The following CPNE3 variants were observed in gnomAD, a reference collection of about 807,000 sequenced individuals.
CPNE3 encodes the protein copine-3.
Under a neutral mutation model 63.9 loss-of-function variants are expected in CPNE3, and 68 were observed. The observed-to-expected ratio is 1.06, with a 90% CI of 0.87 to 1.30. The LOEUF (loss-of-function observed/expected upper bound fraction) is 1.30, where lower values mean the gene tolerates loss of function less well. Among genes scored for constraint, CPNE3 ranks in the 50% most tolerant of loss-of-function variants. The pLI, the probability that CPNE3 is intolerant of heterozygous loss-of-function variation, is 0.00. For missense variants in CPNE3, 665 were observed against 578.1 expected (o/e 1.15, Z -1.54); for synonymous variants, 219 against 197.5 (o/e 1.11, Z -0.91).
chr8:86,544,803 A>G lies in CPNE3; in HGVS notation c.697A>G (p.Met233Val), dbSNP rs1193429030. 9 of 1,597,016 alleles carry G rather than the reference A, an allele frequency of 5.6e-6. No individual in the cohort carries two copies. The highest frequency in any genetic ancestry group is 6.8e-6 in the Non-Finnish European group (8 of 1,171,058). ...TCTCATTGGAACATTTCAGACCACC[A>G]TGACAAAACTGAAAGAAGCCTCCAG... ...HDLIGTFQTTMTKLKEASRSS... is the reference protein window; with the variant it reads ...HDLIGTFQTTVTKLKEASRSS... Residue 233 changes from methionine to valine, a missense_variant, in exon 9 of 17, where the codon ATG (methionine) becomes GTG (valine). Physicochemically the swap from Met to Val is conservative, Grantham distance 21. Transcript: ENST00000517490.
chr8:86,527,260 C>T (rs897561023), intron 2 of CPNE3, among the ~76,000 whole-genome samples: 10 of 152,132 alleles, frequency 6.6e-5, no homozygotes, highest in African/African-American at 2.4e-4. Flanking sequence ...CATCAACCTC[C>T]ACTGGCTAAG....
rs1202484669 is a variant in CPNE3, at chr8:86,532,584, G to T, written c.459+4G>T. On this transcript the variant is annotated splice_donor_region_variant and intron_variant, in intron 6 of 16. Coordinates refer to ENST00000517490, the MANE Select transcript of CPNE3 (RefSeq NM_003909.5). Reference sequence around the variant, plus strand: ...AGCCAGAAAACTGGATAATAAGGTGGGTAGACTATGCAGATTTCAAAAAGG... The same window carrying T: ...AGCCAGAAAACTGGATAATAAGGTGTGTAGACTATGCAGATTTCAAAAAGG... The T allele has an allele frequency of 1.9e-6, 3 of 1,608,126 alleles. No individual in the cohort carries two copies. Among genetic ancestry groups the T allele is most frequent in the East Asian group, 4.5e-5 (2 of 44,662 alleles).
chr8:86,515,919 G>C (rs1228330224), intron 2 of CPNE3, among the ~76,000 whole-genome samples: 1 of 152,122 alleles, frequency 6.6e-6, no homozygotes. Context: ...AAACAGCAAA[G>C]GATGGGAAAC....
chr8:86,551,401 T>C (rs1448952320), intron 14 of CPNE3, 167 bp downstream of exon 14: 6 of 599,900 alleles, frequency 1.0e-5, no homozygotes, highest in Admixed American at 6.2e-5. Context: ...GGTAGAAGAA[T>C]TGCACCAGGT....
Position 86,560,652 on chromosome 8 carries a change from C to G in CPNE3, c.*2242C>G, listed in dbSNP as rs1325172135. On this transcript the variant is annotated 3_prime_UTR_variant, in exon 17 of 17. Transcript: ENST00000517490. ...ATGTTCATCAGTAGATGCTATTATT[C>G]ATAAGAACTGTGATTCCAGCAAACT... The G allele has an allele frequency of 6.6e-6, 1 of 152,118 alleles. No individual in the cohort carries two copies. The highest frequency in any genetic ancestry group is 6.6e-5 in the Admixed American group (1 of 15,258). 9.4% of individuals were successfully genotyped at this position (152,118 alleles called of 1,614,324 possible). A position where few individuals can be genotyped will look rare whatever the true frequency, so the allele number is the denominator to read the frequency against.
intron 8 of CPNE3, among the ~76,000 whole-genome samples, chr8:86,544,125 C>T (rs1011282231): frequency 6.6e-6 from 1 of 151,850 alleles, no homozygotes; most frequent in African/African-American, 2.4e-5. Flanking sequence ...GGTGTGGATA[C>T]TTCCTCAGTG....
Position 86,529,070 on chromosome 8 carries a change from T to G in CPNE3, c.258T>G (p.Thr86=). 1 of 1,614,034 alleles carries G rather than the reference T, an allele frequency of 6.2e-7. No homozygotes were observed. Among genetic ancestry groups the G allele is most frequent in the Non-Finnish European group, 8.5e-7 (1 of 1,179,952 alleles). The change falls in exon 4 of 17, where the codon ACT becomes ACG. Residue 86 remains threonine (T), a synonymous_variant. Coordinates refer to ENST00000517490, the MANE Select transcript of CPNE3 (RefSeq NM_003909.5). ...KFGVYDIDNK[T]IELSDDDFLG... is the part of the protein sequence containing the mutation. ...GGGTTTATGACATCGACAACAAAAC[T>G]ATTGAGCTGAGTGATGATGACTTCT...
chr8:86,523,160 A>G (rs1263416039), intron 2 of CPNE3, among the ~76,000 whole-genome samples: 4 of 152,160 alleles, frequency 2.6e-5, no homozygotes, highest in African/African-American at 9.7e-5. Context: ...CATGCTACAG[A>G]CCTACAGTTG....
chr8:86,548,455 A>G, intron 12 of CPNE3, 21 bp downstream of exon 12: 1 of 1,613,432 alleles, frequency 6.2e-7, no homozygotes, highest in Non-Finnish European at 8.5e-7. Flanking sequence ...CTTTGGAAAA[A>G]CTAAAATACA....
intron 2 of CPNE3, among the ~76,000 whole-genome samples, chr8:86,527,557 A>G (rs951656093): frequency 3.9e-5 from 6 of 152,102 alleles, no homozygotes; most frequent in Admixed American, 1.3e-4. Flanking sequence ...AGGCTTGTCA[A>G]CCTTGTCTAC....
intron 6 of CPNE3, among the ~76,000 whole-genome samples, chr8:86,534,966 G>T (rs1402498570): frequency 6.6e-6 from 1 of 152,114 alleles, no homozygotes; most frequent in Admixed American, 6.6e-5. Flanking sequence ...AACTGTAATG[G>T]ATTACTTCTC....
intron 14 of CPNE3, 29 bp downstream of exon 14, chr8:86,551,263 C>G: frequency 6.9e-7 from 1 of 1,449,430 alleles, no homozygotes; most frequent in Non-Finnish European, 9.7e-7. Flanking sequence ...ATGAAGACTT[C>G]AAATGGAAAG....
intron 8 of CPNE3, among the ~76,000 whole-genome samples, chr8:86,542,286 A>G (rs1420256010): frequency 6.6e-6 from 1 of 152,242 alleles, no homozygotes; most frequent in Non-Finnish European, 1.5e-5. Flanking sequence ...AAAGAGTTAT[A>G]GAGCAGTGAA....
intron 4 of CPNE3, among the ~76,000 whole-genome samples, chr8:86,530,825 G>A (rs931681081): frequency 6.6e-6 from 1 of 151,604 alleles, no homozygotes; most frequent in African/African-American, 2.4e-5. Flanking sequence ...CCGAGTAGCT[G>A]GGATTACAGG....
chr8:86,539,969 T>G (rs754735801), intron 7 of CPNE3, among the ~76,000 whole-genome samples: 1 of 152,138 alleles, frequency 6.6e-6, no homozygotes, highest in East Asian at 1.9e-4. Flanking sequence ...CCAGCCATCC[T>G]CTGTAGTTCC....
chr8:86,537,987 TCACA>T (rs34109843), intron 7 of CPNE3, among the ~76,000 whole-genome samples: 7 of 142,314 alleles, frequency 4.9e-5, no homozygotes, highest in South Asian at 2.1e-4. Flanking sequence ...TCTCTCTCTC[TCACA>T]CACACACACA....
rs114929794 is a variant in CPNE3, at chr8:86,543,826, A to G, written c.634-914A>G. 9.9e-3 allele frequency among the ~76,000 whole-genome samples: 1,503 copies of G among 152,258 alleles called. 29 individuals are homozygous for G. The highest frequency in any genetic ancestry group is 0.034 in the African/African-American group (1,433 of 41,576). The stretch of plus-strand genomic sequence containing the variant: ...ATCTGTTTTGAGATAAAATACTATA[A>G]AAACATTGGTGTTAAATGTTCACAA... On this transcript the variant is annotated intron_variant, in intron 8 of 16. Transcript: ENST00000517490.
rs535776244 is a variant in CPNE3 at position 86,544,115 on chromosome 8, G to A, written c.634-625G>A. Among the ~76,000 whole-genome samples, 43 of 152,044 alleles carry A rather than the reference G, an allele frequency of 2.8e-4. No individual in the cohort carries two copies. In the South Asian group the frequency reaches 5.2e-3, roughly 18 times the overall value. On this transcript the variant is annotated intron_variant, in intron 8 of 16. Transcript: ENST00000517490. The stretch of plus-strand genomic sequence containing the variant: ...CATGGAAATAGAGTAAATATGACCC[G>A]GTGTGGATACTTCCTCAGTGGACTA...
chr8:86,529,208 T>G (rs1820615005), intron 4 of CPNE3, 84 bp downstream of exon 4: 3 of 1,214,940 alleles, frequency 2.5e-6, no homozygotes, highest in Non-Finnish European at 3.5e-6. Flanking sequence ...CAGCATTTAA[T>G]TTTTAAAGTT....
Sources: gnomAD v4.1 joint callset for allele counts (sites outside exome capture counted in the v4.1 genomes callset) on GRCh38, gnomAD v4.1.1 for gene constraint, MANE v1.5 for transcripts, NCBI Gene and HGNC (gene_info 2026-07-23, HGNC 2026-07-21) for gene names.